The following KLF17 variants were observed in gnomAD, a reference collection of about 807,000 sequenced individuals.
The protein encoded by KLF17 is Krueppel-like factor 17.
KLF17 carries 31 observed loss-of-function variants against 34.2 expected under a neutral mutation model. The observed-to-expected ratio is 0.91, with a 90% CI of 0.68 to 1.22. KLF17 has a LOEUF of 1.22. Among genes scored for constraint, KLF17 ranks in the 50% most tolerant of loss-of-function variants. KLF17 has a pLI of 0.00. For synonymous variants in KLF17, 179 were observed against 186.7 expected (o/e 0.96, Z 0.34); for missense variants, 478 against 505.2 (o/e 0.95, Z 0.52).
chr1:44,047,861 G>A, the KLF17 span: 1 of 152,206 alleles, frequency 6.6e-6, no homozygotes, highest in Non-Finnish European at 1.5e-5. Flanking sequence ...TAGGATTGTA[G>A]TGTCCTCTAG....
At chr1:44,055,905 G>C in the KLF17 span, among the ~76,000 whole-genome samples, 3 of 152,216 alleles carry the variant, frequency 2.0e-5, no homozygotes, top group African/African-American at 4.8e-5. Flanking sequence ...CAGTTAATGA[G>C]ATAGTAGTCC....
the KLF17 span, among the ~76,000 whole-genome samples, chr1:44,108,660 C>CTTTTTTTTTTTTTTT: frequency 1.3e-5 from 1 of 75,334 alleles, no homozygotes; most frequent in African/African-American, 5.5e-5. Context: ...TTTGTTAGCT[C>CTTTTTTTTTTTTTTT]TTTTTTTTTT....
At chr1:44,130,956 C>A (rs527240952) in intron 3 of KLF17, among the ~76,000 whole-genome samples, 200 bp downstream of exon 3, 2 of 152,154 alleles carry the variant, frequency 1.3e-5, no homozygotes. Context: ...CCACCAGGCC[C>A]GGGTAATTTT....
chr1:44,089,065 AGTGAGCCAG>A, the KLF17 span, among the ~76,000 whole-genome samples: 1 of 152,202 alleles, frequency 6.6e-6, no homozygotes, highest in Non-Finnish European at 1.5e-5. Context: ...AGAGAGTCAC[AGTGAGCCAG>A]GTGTTAAATC....
chr1:44,052,509 T>C, the KLF17 span, among the ~76,000 whole-genome samples: 1 of 152,226 alleles, frequency 6.6e-6, no homozygotes, highest in Non-Finnish European at 1.5e-5. Flanking sequence ...CCTGCCCTTC[T>C]TCCCTTCCAC....
At position 44,133,736 on chromosome 1, in the gene KLF17, GACCT is replaced by G. The variant is rs2088138386; in HGVS notation, c.*500_*503del. ...GCCCCTGCCCTCTCACCCCTACCCT[GACCT>G]TGTCCTACTTCACTGCCTTTGTCTG... is the stretch of plus-strand genomic sequence containing the variant. On this transcript the variant is annotated 3_prime_UTR_variant, in exon 4 of 4. Transcript: ENST00000372299. 1 of 152,272 alleles carries G rather than the reference GACCT, an allele frequency of 6.6e-6. No individual in the cohort carries two copies. The highest frequency in any genetic ancestry group is 1.5e-5 in the Non-Finnish European group (1 of 68,094). 9.4% of individuals were successfully genotyped at this position (152,272 alleles called of 1,614,324 possible).
chr1:44,047,746 T>A, the KLF17 span, among the ~76,000 whole-genome samples: 2 of 152,088 alleles, frequency 1.3e-5, no homozygotes, highest in Non-Finnish European at 2.9e-5. Context: ...AGGTGCCTGG[T>A]ACAAGGAATA....
chr1:44,044,948 C>G, the KLF17 span: 1 of 152,156 alleles, frequency 6.6e-6, no homozygotes, highest in African/African-American at 2.4e-5. Flanking sequence ...AAGGCCACTT[C>G]AGTCTGATGT....
chr1:44,063,236 T>G, the KLF17 span, among the ~76,000 whole-genome samples: 1 of 151,696 alleles, frequency 6.6e-6, no homozygotes, highest in Admixed American at 6.6e-5. Context: ...ACCAAGGGAG[T>G]GGTATTAACT....
At chr1:44,085,702 G>T in the KLF17 span, among the ~76,000 whole-genome samples, 3 of 151,140 alleles carry the variant, frequency 2.0e-5, no homozygotes, top group Non-Finnish European at 2.9e-5. Context: ...TATTCAGGAG[G>T]CTGAGGTGGG....
chr1:44,058,098 G>A, the KLF17 span, among the ~76,000 whole-genome samples: 1 of 152,160 alleles, frequency 6.6e-6, no homozygotes, highest in Non-Finnish European at 1.5e-5. Context: ...GAGTGATAAT[G>A]GACCCTCCTA....
chr1:44,105,312 G>A, the KLF17 span: 4 of 152,114 alleles, frequency 2.6e-5, no homozygotes, highest in African/African-American at 9.7e-5. Flanking sequence ...TTTGAAGTGG[G>A]TGGTGGTGGA....
chr1:44,063,311 G>A, the KLF17 span, among the ~76,000 whole-genome samples: 2 of 152,158 alleles, frequency 1.3e-5, no homozygotes, highest in Non-Finnish European at 2.9e-5. Flanking sequence ...TGGGTTGTGA[G>A]TACATGGCAG....
the KLF17 span, among the ~76,000 whole-genome samples, chr1:44,062,759 G>GA: frequency 4.5e-4 from 68 of 151,668 alleles, no homozygotes; most frequent in East Asian, 0.01. Flanking sequence ...TCAAGGATGG[G>GA]AAAAAACGAG....
the KLF17 span, among the ~76,000 whole-genome samples, chr1:44,094,948 T>C: frequency 0.22 from 33,213 of 150,074 alleles, 4,355 homozygotes; most frequent in African/African-American, 0.33. Context: ...TCACCCAGGC[T>C]GGAGTGCAGT....
chr1:44,130,177 C>T lies in KLF17; in HGVS notation c.906C>T (p.Ser302=), dbSNP rs200657181. ...ATACCAAACGCTCCCACCTCGTGAG[C>T]CACCAGCGCAAGCACACAGGTGAAG... The part of the protein sequence containing the change: ...KAYTKRSHLV[S]HQRKHTGERP... The change falls in exon 2 of 4, where the codon AGC becomes AGT. Residue 302 remains serine, a synonymous_variant. Transcript: ENST00000372299. 1.9e-6 allele frequency: 3 copies of T among 1,612,184 alleles called. No homozygotes were observed. The highest frequency in any genetic ancestry group is 2.5e-6 in the Non-Finnish European group (3 of 1,178,944).
the KLF17 span, among the ~76,000 whole-genome samples, chr1:44,059,048 G>T: frequency 6.6e-6 from 1 of 152,098 alleles, no homozygotes; most frequent in African/African-American, 2.4e-5. Context: ...GTACACCTAC[G>T]GCTGTTAAAC....
the KLF17 span, among the ~76,000 whole-genome samples, chr1:44,108,714 G>A: frequency 7.9e-6 from 1 of 126,754 alleles, no homozygotes; most frequent in African/African-American, 3.0e-5. Context: ...TGCCCAAGCT[G>A]GAGTGCAATA....
chr1:44,097,798 C>T, the KLF17 span, among the ~76,000 whole-genome samples: 1 of 152,022 alleles, frequency 6.6e-6, no homozygotes, highest in African/African-American at 2.4e-5. Flanking sequence ...TCCTTCTATA[C>T]CCAGATTTTT....
Sources: allele counts gnomAD v4.1 joint callset (sites outside exome capture counted in the v4.1 genomes callset), GRCh38; gene constraint gnomAD v4.1.1; transcripts MANE v1.5; gene names NCBI Gene and HGNC (gene_info 2026-07-23, HGNC 2026-07-21).